METTL22: variants seen among roughly 807,000 people sequenced by gnomAD.
METTL22 encodes the protein methyltransferase 22, Kin17 lysine, also known as methyltransferase-like protein 22.
In METTL22, 51 loss-of-function variants were observed where a neutral mutation model predicts 48.4. That is an observed-to-expected ratio of 1.05 (90% CI 0.84 to 1.33). The LOEUF (loss-of-function observed/expected upper bound fraction) is 1.33, where lower values mean the gene tolerates loss of function less well. Ranked by LOEUF, METTL22 falls within the 40% of genes most tolerant of loss-of-function variation. The pLI, the probability that METTL22 is intolerant of heterozygous loss-of-function variation, is 0.00. For synonymous variants in METTL22, 255 were observed against 214.1 expected (o/e 1.19, Z -1.67); for missense variants, 678 against 526.9 (o/e 1.29, Z -2.81).
At chr16:8,638,365 A>G (rs2056488452) in intron 5 of METTL22, among the ~76,000 whole-genome samples, 1 of 152,070 alleles carries the variant, frequency 6.6e-6, no homozygotes, top group South Asian at 2.1e-4. Flanking sequence ...GACATCCTGT[A>G]CTTTCTACAT....
At chr16:8,631,193 G>C (rs2056249097) in intron 3 of METTL22, 1 of 152,126 alleles carries the variant, frequency 6.6e-6, no homozygotes, top group Admixed American at 6.5e-5. Context: ...ACCCATTTGA[G>C]AAACTGGTTT....
At chr16:8,629,148 G>T in intron 3 of METTL22, 38 bp downstream of exon 3, 1 of 1,587,792 alleles carries the variant, frequency 6.3e-7, no homozygotes, top group Non-Finnish European at 8.6e-7. Flanking sequence ...TGTCACCAAG[G>T]CAACTCCGCA....
intron 3 of METTL22, among the ~76,000 whole-genome samples, chr16:8,634,318 G>A (rs982349870): frequency 6.6e-6 from 1 of 152,140 alleles, no homozygotes; most frequent in East Asian, 1.9e-4. Context: ...AAAAATACTT[G>A]AGCAAGTTAT....
chr16:8,662,521 T>C, the METTL22 span, among the ~76,000 whole-genome samples: 1 of 144,458 alleles, frequency 6.9e-6, no homozygotes, highest in South Asian at 2.3e-4. Context: ...GGAGCGTTTC[T>C]TGGGGGTGTT....
downstream of METTL22, among the ~76,000 whole-genome samples, chr16:8,650,367 C>G (rs1641084): frequency 0.99 from 150,445 of 152,346 alleles, 74,318 homozygotes; most frequent in Middle Eastern, 1. Flanking sequence ...GTTGAGCAAG[C>G]CAGGGTTTAA....
intron 1 of METTL22, among the ~76,000 whole-genome samples, chr16:8,624,757 G>T (rs75849650): frequency 0.039 from 5,901 of 152,126 alleles, 385 homozygotes; most frequent in African/African-American, 0.14. Context: ...TCCTAACTAT[G>T]AAGGAGGTTG....
chr16:8,657,983 TTTTGTCTG>T, the METTL22 span, among the ~76,000 whole-genome samples: 1 of 152,096 alleles, frequency 6.6e-6, no homozygotes, highest in African/African-American at 2.4e-5. Context: ...GCCTGGCTAA[TTTTGTCTG>T]TTTTTAGCAG....
chr16:8,660,422 G>A, the METTL22 span, among the ~76,000 whole-genome samples: 8 of 151,884 alleles, frequency 5.3e-5, no homozygotes, highest in Admixed American at 2.6e-4. Flanking sequence ...CAAGTGATCC[G>A]CCTGCTTCGG....
intron 9 of METTL22, among the ~76,000 whole-genome samples, chr16:8,643,144 A>C (rs1052187934): frequency 2.0e-5 from 3 of 152,244 alleles, no homozygotes; most frequent in African/African-American, 4.8e-5. Flanking sequence ...CGGAATCCAC[A>C]GCAAAAGCTG....
At chr16:8,662,184 G>T in the METTL22 span, among the ~76,000 whole-genome samples, 4 of 145,654 alleles carry the variant, frequency 2.7e-5, 1 homozygote, top group Non-Finnish European at 6.0e-5. Context: ...TGAGGTTACA[G>T]TGAACTGTGA....
intron 5 of METTL22, 76 bp downstream of exon 5, chr16:8,635,388 G>A (rs1282645878): frequency 6.8e-7 from 1 of 1,464,674 alleles, no homozygotes; most frequent in African/African-American, 1.4e-5. Flanking sequence ...AAAAAAAGAG[G>A]CAGAGGCACT....
At chr16:8,661,018 A>G in the METTL22 span, among the ~76,000 whole-genome samples, 77 of 152,286 alleles carry the variant, frequency 5.1e-4, 1 homozygote, top group African/African-American at 1.8e-3. Flanking sequence ...CTTGGCTTCA[A>G]GTCTCCCAAA....
intron 6 of METTL22, among the ~76,000 whole-genome samples, 199 bp from the exon 7 acceptor site, chr16:8,640,932 G>GGGCA (rs2056588889): frequency 1.1e-5 from 1 of 87,182 alleles, no homozygotes; most frequent in Non-Finnish European, 2.6e-5. Context: ...ATGGATGGAT[G>GGGCA]GATGGATGGA....
At chr16:8,666,461 A>G in the METTL22 span, among the ~76,000 whole-genome samples, 1 of 152,212 alleles carries the variant, frequency 6.6e-6, no homozygotes. Context: ...AACCCAAACT[A>G]CAAGAGTGAT....
chr16:8,654,183 G>A (rs2056933856), downstream of METTL22, among the ~76,000 whole-genome samples: 1 of 152,200 alleles, frequency 6.6e-6, no homozygotes, highest in Non-Finnish European at 1.5e-5. Flanking sequence ...GAGGGAGTAG[G>A]CAAGGGGGCC....
rs1025434772 is a variant in METTL22 at position 8,646,771 on chromosome 16, G to T, written c.*628G>T. 3 of 433,240 alleles carry T rather than the reference G, an allele frequency of 6.9e-6. No individual in the cohort carries two copies. Among genetic ancestry groups the T allele is most frequent in the African/African-American group, 2.0e-5 (1 of 49,384 alleles). 26.8% of individuals were successfully genotyped at this position (433,240 alleles called of 1,614,324 possible). On this transcript the variant is annotated 3_prime_UTR_variant, in exon 11 of 11. Transcript: ENST00000381920. The stretch of plus-strand genomic sequence containing the variant: ...CCACTCTTTGGGGTCATGTGCAGCT[G>T]ACCAGGGTTTGTGCAGTGATCTTCC...
At chr16:8,637,236 C>T (rs1471589792) in intron 5 of METTL22, among the ~76,000 whole-genome samples, 1 of 152,178 alleles carries the variant, frequency 6.6e-6, no homozygotes, top group Admixed American at 6.5e-5. Context: ...GATCACCAGT[C>T]CCTGAGGCAC....
intron 6 of METTL22, chr16:8,639,480 G>C: frequency 2.7e-6 from 1 of 375,530 alleles, no homozygotes; most frequent in South Asian, 3.6e-5. Flanking sequence ...AACATCCAGA[G>C]TGCCCTTTCT....
intron 3 of METTL22, among the ~76,000 whole-genome samples, chr16:8,629,921 G>C (rs1032337038): frequency 6.6e-6 from 1 of 152,102 alleles, no homozygotes; most frequent in Admixed American, 6.5e-5. Flanking sequence ...GGGGGTGCAT[G>C]GATGAGGAAG....
Sources: gnomAD v4.1 joint callset for allele counts (sites outside exome capture counted in the v4.1 genomes callset) on GRCh38, gnomAD v4.1.1 for gene constraint, MANE v1.5 for transcripts, NCBI Gene and HGNC (gene_info 2026-07-23, HGNC 2026-07-21) for gene names.